Variants in PKD2L2 observed in about 807,000 individuals in gnomAD.
PKD2L2 encodes polycystin 2 like 2, transient receptor potential cation channel.
Under a neutral mutation model 83.9 loss-of-function variants are expected in PKD2L2, and 67 were observed. That is an observed-to-expected ratio of 0.80 (90% CI 0.66 to 0.98). The LOEUF (loss-of-function observed/expected upper bound fraction) is 0.98. PKD2L2 is among the 50% of genes least tolerant of loss of function. PKD2L2 has a pLI of 0.00. For missense variants in PKD2L2, 632 were observed against 717.2 expected (o/e 0.88, Z 1.36); for synonymous variants, 223 against 237.8 (o/e 0.94, Z 0.57).
chr5:137,925,930 G>GT lies in PKD2L2; in HGVS notation c.1671+2dup. On this transcript the variant is annotated splice_donor_variant, in intron 12 of 14. Transcript: ENST00000508883. LOFTEE classifies it high-confidence loss of function. ...CAGAAGAGAAGGCTTTGACGAAAATGTAAGATTTTAATTTTTTTCATAAAC... is the reference window on the plus strand; with the variant it reads ...CAGAAGAGAAGGCTTTGACGAAAATGTTAAGATTTTAATTTTTTTCATAAAC... 1 of 1,577,608 alleles carries GT rather than the reference G, an allele frequency of 6.3e-7. No individual in the cohort carries two copies. The highest frequency in any genetic ancestry group is 1.7e-5 in the Admixed American group (1 of 59,436).
At chr5:137,893,977 C>T (rs1013158897) in intron 3 of PKD2L2, among the ~76,000 whole-genome samples, 20 of 152,052 alleles carry the variant, frequency 1.3e-4, no homozygotes, top group African/African-American at 4.8e-4. Context: ...GGCACCATGG[C>T]CAGAGTCGGG....
chr5:137,934,331 T>C (rs747129514), intron 12 of PKD2L2, among the ~76,000 whole-genome samples: 6 of 152,238 alleles, frequency 3.9e-5, no homozygotes, highest in Non-Finnish European at 7.3e-5. Flanking sequence ...AAGTTTACTA[T>C]GCATAGTCTA....
rs141284431 is a variant in PKD2L2, at chr5:137,940,246, T to C, written c.*18-2138T>C. ...TATCTTATATGGATTTTGAAGAATC[T>C]TGTTTGCTTATAAGAACTTCAAGAA... is the stretch of plus-strand genomic sequence containing the variant. On this transcript the variant is annotated intron_variant, in intron 14 of 14. Transcript: ENST00000508883. 215 of 1,613,966 alleles carry C rather than the reference T, an allele frequency of 1.3e-4. No homozygotes were observed. In the Middle Eastern group the frequency reaches 1.5e-3, roughly 11 times the overall value.
intron 8 of PKD2L2, 55 bp from the exon 9 acceptor site, chr5:137,921,581 G>T: frequency 2.6e-6 from 3 of 1,135,956 alleles, no homozygotes; most frequent in Non-Finnish European, 2.6e-6. Flanking sequence ...ACTCCCATCA[G>T]TTGTCATGTA....
At chr5:137,894,840 A>G (rs534965408) in intron 4 of PKD2L2, among the ~76,000 whole-genome samples, 1 of 152,334 alleles carries the variant, frequency 6.6e-6, no homozygotes, top group South Asian at 2.1e-4. Context: ...ACTTTGGTAT[A>G]TGAACTGCTT....
At position 137,936,502 on chromosome 5, in the gene PKD2L2, C is replaced by T. The variant is rs191753180; in HGVS notation, c.*17+75C>T. ...ACGGAGTCTCGCTCTAACGCCCAGG[C>T]TGGAGTGCAGTGGCGTGGTCTCGGC... On this transcript the variant is annotated intron_variant, in intron 14 of 14. Transcript: ENST00000508883. 3,014 of 1,279,634 alleles carry T rather than the reference C, an allele frequency of 2.4e-3. 54 individuals carry two copies. In the African/African-American group the frequency reaches 0.041, roughly 18 times the overall value. 79.3% of individuals were successfully genotyped at this position (1,279,634 alleles called of 1,614,324 possible).
intron 9 of PKD2L2, among the ~76,000 whole-genome samples, chr5:137,922,147 G>C (rs1011533258): frequency 6.6e-6 from 1 of 152,204 alleles, no homozygotes; most frequent in African/African-American, 2.4e-5. Flanking sequence ...TTATCAGGAT[G>C]GATCTCTCAC....
chr5:137,936,461 T>C, intron 14 of PKD2L2, 34 bp downstream of exon 14: 1 of 486,400 alleles, frequency 2.1e-6, no homozygotes, highest in Non-Finnish European at 2.8e-6. Context: ...TGAGCATTTC[T>C]TTTTTTTTTT....
intron 3 of PKD2L2, among the ~76,000 whole-genome samples, chr5:137,893,958 G>A (rs1350089879): frequency 3.3e-5 from 5 of 152,208 alleles, no homozygotes; most frequent in Non-Finnish European, 5.9e-5. Flanking sequence ...GCCAGAGCCA[G>A]GAGTAGCAGG....
chr5:137,889,670 G>A, intron 1 of PKD2L2, 148 bp downstream of exon 1: 1 of 642,412 alleles, frequency 1.6e-6, no homozygotes. Flanking sequence ...GAAGCGGAGA[G>A]GGACAGATGG....
At chr5:137,919,080 C>T (rs576751098) in intron 8 of PKD2L2, among the ~76,000 whole-genome samples, 1 of 151,870 alleles carries the variant, frequency 6.6e-6, no homozygotes, top group Non-Finnish European at 1.5e-5. Context: ...TTGTAGTGAC[C>T]CAATCAATGA....
intron 3 of PKD2L2, among the ~76,000 whole-genome samples, chr5:137,893,375 C>T (rs1201814932): frequency 6.6e-6 from 1 of 151,996 alleles, no homozygotes; most frequent in East Asian, 1.9e-4. Flanking sequence ...TTGCTTTTTC[C>T]ATTACATTTA....
At chr5:137,892,761 A>C in intron 3 of PKD2L2, 148 bp downstream of exon 3, 1 of 685,342 alleles carries the variant, frequency 1.5e-6, no homozygotes, top group Non-Finnish European at 2.4e-6. Context: ...CCAACCAGTA[A>C]GTGTTTTTGA....
chr5:137,934,588 T>G (rs926252578), intron 12 of PKD2L2, among the ~76,000 whole-genome samples: 12 of 152,140 alleles, frequency 7.9e-5, no homozygotes, highest in African/African-American at 2.9e-4. Flanking sequence ...GCAGGCGGAT[T>G]ACTTGAGGCT....
intron 1 of PKD2L2, 99 bp downstream of exon 1, chr5:137,889,621 T>C (rs1271518358): frequency 2.8e-6 from 3 of 1,066,516 alleles, no homozygotes; most frequent in Non-Finnish European, 2.6e-6. Flanking sequence ...TTGAGAGATG[T>C]GACTGCCGAC....
intron 8 of PKD2L2, among the ~76,000 whole-genome samples, chr5:137,912,809 T>C (rs1007754234): frequency 6.2e-5 from 9 of 145,140 alleles, no homozygotes; most frequent in African/African-American, 2.2e-4. Flanking sequence ...TTCTTTCTTT[T>C]TTTTTTTTTT....
intron 10 of PKD2L2, 107 bp from the exon 11 acceptor site, chr5:137,924,933 T>A (rs1759249060): frequency 2.8e-6 from 2 of 703,672 alleles, no homozygotes; most frequent in East Asian, 5.5e-5. Flanking sequence ...TCCTTTAGGG[T>A]AGCAATCCAG....
At position 137,913,902 on chromosome 5, in the gene PKD2L2, C is replaced by CT. The variant is rs540380153; in HGVS notation, c.1328+4957dup. On this transcript the variant is annotated intron_variant, in intron 8 of 14. Coordinates refer to ENST00000508883, the MANE Select transcript of PKD2L2 (RefSeq NM_001300921.2). ...TTTTTTTTCCCGATGAGGTCTTGCT[C>CT]TGTCACTCAGGCTGGAGTGCAATGG... is the stretch of plus-strand genomic sequence containing the variant. Among the ~76,000 whole-genome samples, 44 of 145,804 alleles carry CT rather than the reference C, an allele frequency of 3.0e-4. No homozygotes were observed. The South Asian group carries it at 9.2e-3, about 30-fold the overall frequency.
Position 137,892,628 on chromosome 5 carries a change from G to T in PKD2L2, c.267+15G>T. 2 of 1,607,844 alleles carry T rather than the reference G, an allele frequency of 1.2e-6. No individual in the cohort carries two copies. The highest frequency in any genetic ancestry group is 2.2e-5 in the South Asian group (2 of 89,730). On this transcript the variant is annotated intron_variant, in intron 3 of 14. Coordinates refer to ENST00000508883, the MANE Select transcript of PKD2L2 (RefSeq NM_001300921.2). The stretch of plus-strand genomic sequence containing the variant: ...ATTTTTGGAAGGTAAAGTATCTTGT[G>T]ACTGTGGATGAAGTAGATTTAGGTA...
Sources: allele counts gnomAD v4.1 joint callset (sites outside exome capture counted in the v4.1 genomes callset), GRCh38; gene constraint gnomAD v4.1.1; transcripts MANE v1.5; gene names NCBI Gene and HGNC (gene_info 2026-07-23, HGNC 2026-07-21).